SLC12A1: variants seen among roughly 807,000 people sequenced by gnomAD.
SLC12A1 encodes the protein Na-K-2Cl cotransporter.
Under a neutral mutation model 130.4 loss-of-function variants are expected in SLC12A1, and 89 were observed. That is an observed-to-expected ratio of 0.68 (90% CI 0.58 to 0.81). The LOEUF (loss-of-function observed/expected upper bound fraction) is 0.81, where lower values mean the gene tolerates loss of function less well. Ranked by LOEUF, SLC12A1 falls within the 40% of genes least tolerant of loss-of-function variation. SLC12A1 has a pLI of 0.00. For missense variants in SLC12A1, 1,310 were observed against 1,336.4 expected (o/e 0.98, Z 0.31); for synonymous variants, 499 against 460.0 (o/e 1.08, Z -1.09).
At chr15:48,291,367 T>G (rs2042119159) in intron 23 of SLC12A1, among the ~76,000 whole-genome samples, 3 of 151,594 alleles carry the variant, frequency 2.0e-5, no homozygotes, top group Admixed American at 2.0e-4. Context: ...ATTTATCATC[T>G]TATGATATAT....
In SLC12A1 at chr15:48,267,664, C is replaced by G. The variant is rs201453272; in HGVS notation, c.2258C>G (p.Ala753Gly). ...AAGGCTTTTTATGCTGCAGTGGCGGCAGACTGTTTCAGGGATGGTGTCCGA... is the reference window on the plus strand; with the variant it reads ...AAGGCTTTTTATGCTGCAGTGGCGGGAGACTGTTTCAGGGATGGTGTCCGA... The part of the protein sequence containing the change: ...KIKAFYAAVA[A>G]DCFRDGVRSL... Residue 753 changes from alanine (A) to glycine (G), a missense_variant, in exon 18 of 27, where the codon GCA becomes GGA. Coordinates refer to ENST00000380993, the MANE Select transcript of SLC12A1 (RefSeq NM_000338.3). 1.9e-6 allele frequency: 3 copies of G among 1,613,508 alleles called. No individual in the cohort carries two copies. The African/African-American group carries it at 4.0e-5, about 22-fold the overall frequency.
At chr15:48,240,429 A>T (rs986524946) in intron 9 of SLC12A1, among the ~76,000 whole-genome samples, 1 of 152,150 alleles carries the variant, frequency 6.6e-6, no homozygotes, top group Non-Finnish European at 1.5e-5. Flanking sequence ...GGAGAAATTA[A>T]TGATCACAGA....
intron 18 of SLC12A1, among the ~76,000 whole-genome samples, chr15:48,268,478 A>AGAGT (rs1388437386): frequency 7.9e-5 from 12 of 152,312 alleles, no homozygotes; most frequent in African/African-American, 2.6e-4. Context: ...ACTGTATTTC[A>AGAGT]GAGTGTCAGA....
chr15:48,229,078 A>G, intron 5 of SLC12A1, 111 bp from the exon 6 acceptor site: 3 of 1,190,604 alleles, frequency 2.5e-6, no homozygotes, highest in Non-Finnish European at 3.5e-6. Context: ...GGGAAGTTGT[A>G]ATACTGTTAT....
At chr15:48,302,464 C>A (rs973129631) in intron 26 of SLC12A1, among the ~76,000 whole-genome samples, 9 of 149,610 alleles carry the variant, frequency 6.0e-5, no homozygotes, top group African/African-American at 2.0e-4. Flanking sequence ...ACTAAAAATA[C>A]AAAAAATTAG....
chr15:48,303,162 G>T lies in SLC12A1; in HGVS notation c.*277G>T. ...ATCAAGGAAACTCATGTTGGCTTATGCTCATGAAAACCACCAATGTGATTG... is the reference window on the plus strand; with the variant it reads ...ATCAAGGAAACTCATGTTGGCTTATTCTCATGAAAACCACCAATGTGATTG... On this transcript the variant is annotated 3_prime_UTR_variant, in exon 27 of 27. Coordinates refer to ENST00000380993, the MANE Select transcript of SLC12A1 (RefSeq NM_000338.3). 1 of 264,680 alleles carries T rather than the reference G, an allele frequency of 3.8e-6. No individual in the cohort carries two copies. The highest frequency in any genetic ancestry group is 7.1e-6 in the Non-Finnish European group (1 of 141,608). The allele number at this position is 264,680 out of a possible 1,614,324, so 16.4% of individuals were successfully genotyped here.
intron 20 of SLC12A1, among the ~76,000 whole-genome samples, chr15:48,281,865 C>T (rs1597452049): frequency 1.3e-5 from 2 of 152,270 alleles, no homozygotes; most frequent in South Asian, 2.1e-4. Flanking sequence ...CCCCTTGTGG[C>T]TAATGGTATG....
At chr15:48,256,520 T>G (rs1355594736) in intron 16 of SLC12A1, among the ~76,000 whole-genome samples, 1 of 152,166 alleles carries the variant, frequency 6.6e-6, no homozygotes, top group Non-Finnish European at 1.5e-5. Context: ...AGAGGCTTAA[T>G]GGACTCACCA....
intron 17 of SLC12A1, among the ~76,000 whole-genome samples, chr15:48,264,538 T>C (rs1388601360): frequency 6.6e-6 from 1 of 152,196 alleles, no homozygotes; most frequent in Admixed American, 6.5e-5. Flanking sequence ...ATTTTTTTTA[T>C]CAGTGAGCCT....
chr15:48,250,091 C>A (rs1322593976), intron 14 of SLC12A1, among the ~76,000 whole-genome samples: 1 of 152,150 alleles, frequency 6.6e-6, no homozygotes, highest in African/African-American at 2.4e-5. Flanking sequence ...CCCATAATTA[C>A]CTGCTGAGTG....
chr15:48,260,417 T>C (rs527596341), intron 17 of SLC12A1, among the ~76,000 whole-genome samples: 2 of 152,050 alleles, frequency 1.3e-5, no homozygotes, highest in South Asian at 2.1e-4. Context: ...TGCATTTTTA[T>C]AGTACTTAAG....
intron 24 of SLC12A1, among the ~76,000 whole-genome samples, chr15:48,298,914 T>A (rs1474585532): frequency 6.6e-6 from 1 of 152,206 alleles, no homozygotes; most frequent in Admixed American, 6.5e-5. Context: ...TAATACCTAA[T>A]AGGCTAACAA....
intron 9 of SLC12A1, among the ~76,000 whole-genome samples, chr15:48,239,515 A>AAAATAAATTAAAT (rs1555466504): frequency 6.4e-4 from 92 of 143,718 alleles, no homozygotes; most frequent in African/African-American, 2.4e-3. Flanking sequence ...AACCCATCTC[A>AAAATAAATTAAAT]AAATAAATAA....
intron 8 of SLC12A1, among the ~76,000 whole-genome samples, chr15:48,233,521 T>C (rs191683075): frequency 6.6e-6 from 1 of 152,356 alleles, no homozygotes; most frequent in East Asian, 1.9e-4. Flanking sequence ...CTGTAGGAGT[T>C]ACTCAGTGTA....
intron 4 of SLC12A1, 56 bp downstream of exon 4, chr15:48,221,052 C>A: frequency 2.0e-6 from 3 of 1,492,070 alleles, no homozygotes; most frequent in Non-Finnish European, 2.8e-6. Flanking sequence ...ATTCAATAAG[C>A]AATCTTTTTT....
chr15:48,215,340 AT>A (rs1191660891), intron 2 of SLC12A1, among the ~76,000 whole-genome samples: 3 of 152,152 alleles, frequency 2.0e-5, no homozygotes, highest in Non-Finnish European at 2.9e-5. Flanking sequence ...CTTTCTTTTC[AT>A]TTTTTAAACA....
chr15:48,217,270 G>GCTTA (rs1301369210), intron 2 of SLC12A1, among the ~76,000 whole-genome samples: 4 of 152,012 alleles, frequency 2.6e-5, no homozygotes, highest in Non-Finnish European at 1.5e-5. Context: ...TAAAATGTAA[G>GCTTA]GGTCCATCTC....
intron 17 of SLC12A1, among the ~76,000 whole-genome samples, chr15:48,260,692 G>A (rs1198921195): frequency 6.6e-6 from 1 of 152,102 alleles, no homozygotes; most frequent in Admixed American, 6.6e-5. Context: ...TTGCATCCTT[G>A]GGAGTACTAT....
chr15:48,288,121 A>G lies in SLC12A1; in HGVS notation c.2708A>G (p.Lys903Arg). The change falls in exon 22 of 27, where the codon AAA becomes AGA. Residue 903 changes from lysine (K) to arginine (R), a missense_variant. Coordinates refer to ENST00000380993, the MANE Select transcript of SLC12A1 (RefSeq NM_000338.3). ...QKLVEASTQF[K>R]KKQEKGTIDV... ...CTGGTGGAAGCCAGCACTCAATTTA[A>G]AAAGAAACAAGAAAAAGGCACAATT... 6.2e-7 allele frequency: 1 copy of G among 1,610,654 alleles called. No individual in the cohort carries two copies. Among genetic ancestry groups the G allele is most frequent in the Non-Finnish European group, 8.5e-7 (1 of 1,178,404 alleles).
Sources: gnomAD v4.1 joint callset for allele counts (sites outside exome capture counted in the v4.1 genomes callset) on GRCh38, gnomAD v4.1.1 for gene constraint, MANE v1.5 for transcripts, NCBI Gene and HGNC (gene_info 2026-07-23, HGNC 2026-07-21) for gene names.